Variants in ABR observed in about 807,000 individuals in gnomAD.
ABR encodes the protein ABR activator of RhoGEF and GTPase.
Under a neutral mutation model 107.2 loss-of-function variants are expected in ABR, and 35 were observed. That is an observed-to-expected ratio of 0.33 (90% CI 0.25 to 0.43). The LOEUF is 0.43. ABR is among the 20% of genes least tolerant of loss of function. ABR has a pLI of 1.00. For synonymous variants in ABR, 498 were observed against 462.0 expected (o/e 1.08, Z -1.00); for missense variants, 815 against 1,115.2 (o/e 0.73, Z 3.83).
intron 4 of ABR, 70 bp downstream of exon 4, chr17:1,091,595 T>G (rs1459131022): frequency 1.3e-6 from 2 of 1,540,218 alleles, no homozygotes; most frequent in African/African-American, 1.4e-5. Flanking sequence ...GGTCCTCTCC[T>G]GAGGCTCCTG....
chr17:1,152,985 G>A (rs1032540296), intron 1 of ABR, among the ~76,000 whole-genome samples: 2 of 151,994 alleles, frequency 1.3e-5, no homozygotes, highest in Non-Finnish European at 2.9e-5. Flanking sequence ...CCAGCTACTT[G>A]GGCTGAGGCA....
chr17:1,159,977 C>T (rs548323686), intron 1 of ABR, among the ~76,000 whole-genome samples: 27 of 152,300 alleles, frequency 1.8e-4, no homozygotes, highest in Admixed American at 1.4e-3. Flanking sequence ...TCACACGTGA[C>T]GCTGCCGCCG....
intron 1 of ABR, among the ~76,000 whole-genome samples, chr17:1,185,667 A>AG (rs2042270490): frequency 1.3e-5 from 2 of 149,586 alleles, no homozygotes; most frequent in African/African-American, 4.9e-5. Flanking sequence ...AAAAAAAAAA[A>AG]AAAAAAAAAA....
chr17:1,094,398 T>C (rs1201221185), intron 3 of ABR, among the ~76,000 whole-genome samples: 1 of 145,480 alleles, frequency 6.9e-6, no homozygotes, highest in Non-Finnish European at 1.5e-5. Flanking sequence ...TGAGACAGAG[T>C]CTCACTCTGT....
intron 2 of ABR, among the ~76,000 whole-genome samples, chr17:1,124,203 A>G (rs1383440042): frequency 6.6e-6 from 1 of 152,034 alleles, no homozygotes; most frequent in African/African-American, 2.4e-5. Context: ...GGGGGTTCTC[A>G]AGAATGGGAG....
chr17:1,170,650 G>C (rs1052847837), intron 1 of ABR, among the ~76,000 whole-genome samples: 1 of 152,022 alleles, frequency 6.6e-6, no homozygotes, highest in Non-Finnish European at 1.5e-5. Context: ...TGGTCAGGCT[G>C]GTCTCCAACT....
chr17:1,076,947 C>G (rs913090412), intron 6 of ABR, among the ~76,000 whole-genome samples: 1 of 152,198 alleles, frequency 6.6e-6, no homozygotes, highest in Non-Finnish European at 1.5e-5. Context: ...CTGACACTGA[C>G]TTGGGCAGCA....
At chr17:1,208,606 C>G (rs4369737) in intron 1 of ABR, among the ~76,000 whole-genome samples, 3 of 152,088 alleles carry the variant, frequency 2.0e-5, no homozygotes, top group Non-Finnish European at 4.4e-5. Context: ...AGGGAGCTGC[C>G]GGCCGGGCAC....
chr17:1,057,222 A>G (rs2033380806), intron 12 of ABR, 120 bp from the exon 13 acceptor site: 2 of 646,030 alleles, frequency 3.1e-6, no homozygotes, highest in Non-Finnish European at 5.6e-6. Context: ...GGTCCTTGCG[A>G]GGGAGGGGGA....
upstream of ABR, among the ~76,000 whole-genome samples, chr17:1,180,158 G>C (rs1302970703): frequency 6.6e-6 from 1 of 151,778 alleles, no homozygotes; most frequent in Non-Finnish European, 1.5e-5. Flanking sequence ...GCTGGGCGAG[G>C]AGGGGCCGCG....
At chr17:1,062,746 T>C (rs1474149576) in intron 10 of ABR, among the ~76,000 whole-genome samples, 5 of 147,926 alleles carry the variant, frequency 3.4e-5, no homozygotes, top group African/African-American at 1.2e-4. Context: ...CTCTAGACAC[T>C]GTTGTTACGT....
At chr17:1,021,468 C>T (rs981547863) in intron 16 of ABR, among the ~76,000 whole-genome samples, 8 of 152,220 alleles carry the variant, frequency 5.3e-5, no homozygotes, top group Admixed American at 2.0e-4. Context: ...TCCCAGAATG[C>T]GGGAGGGTTT....
intron 1 of ABR, among the ~76,000 whole-genome samples, chr17:1,192,430 A>T (rs1310321864): frequency 2.0e-5 from 3 of 152,134 alleles, no homozygotes; most frequent in African/African-American, 7.2e-5. Flanking sequence ...TGAGTTATGG[A>T]GGGGGCAGGA....
chr17:1,137,053 T>A (rs1351070450), intron 1 of ABR, among the ~76,000 whole-genome samples: 1 of 151,478 alleles, frequency 6.6e-6, no homozygotes, highest in Non-Finnish European at 1.5e-5. Context: ...TCTCTCTCCC[T>A]CTTTCTTTCT....
At chr17:1,175,858 G>A (rs984768240) in intron 1 of ABR, among the ~76,000 whole-genome samples, 6 of 152,182 alleles carry the variant, frequency 3.9e-5, no homozygotes, top group South Asian at 2.1e-4. Flanking sequence ...TTGGGAGGCC[G>A]AGGCGGGTGG....
At chr17:1,172,229 A>G (rs542838319) in intron 1 of ABR, among the ~76,000 whole-genome samples, 29 of 152,344 alleles carry the variant, frequency 1.9e-4, no homozygotes, top group African/African-American at 7.0e-4. Context: ...GTCCCGCCTC[A>G]AAGGGCTCTT....
chr17:1,010,669 G>A lies in ABR; in HGVS notation c.2236+60C>T, dbSNP rs193013357. Reference sequence around the variant, plus strand: ...TATTTCTCCTGCTGGTTACTTCTCCGGGCAGGGAGTCCTGGCTCAGTCTGG... The same window carrying A: ...TATTTCTCCTGCTGGTTACTTCTCCAGGCAGGGAGTCCTGGCTCAGTCTGG... On this transcript the variant is annotated intron_variant, in intron 20 of 22. Coordinates refer to ENST00000302538, the MANE Select transcript of ABR (RefSeq NM_021962.5). The surrounding 1 kb of genome is among the most constrained non-coding windows in gnomAD (Gnocchi z 4.1). 4.4e-4 allele frequency: 702 copies of A among 1,587,838 alleles called. 3 individuals carry two copies. The highest frequency in any genetic ancestry group is 8.9e-5 in the South Asian group (8 of 89,852).
At chr17:1,125,701 G>T (rs906651841) in intron 1 of ABR, 2 of 329,086 alleles carry the variant, frequency 6.1e-6, no homozygotes, top group African/African-American at 4.4e-5. Flanking sequence ...AACAGTGGGA[G>T]CAAGAGGCAG....
chr17:1,054,840 C>T (rs1457103303), intron 14 of ABR, among the ~76,000 whole-genome samples: 1 of 152,034 alleles, frequency 6.6e-6, no homozygotes, highest in Non-Finnish European at 1.5e-5. Flanking sequence ...TCTAACGGCC[C>T]GGGGAGTCAC....
Sources: gnomAD v4.1 joint callset for allele counts (sites outside exome capture counted in the v4.1 genomes callset) on GRCh38, gnomAD v4.1.1 for gene constraint, Gnocchi (gnomAD v3.1) non-coding constraint, MANE v1.5 for transcripts, NCBI Gene and HGNC (gene_info 2026-07-23, HGNC 2026-07-21) for gene names.